Variants in GREB1L observed in about 807,000 individuals in gnomAD.
The protein encoded by GREB1L is GREB1-like protein.
In GREB1L, 17 loss-of-function variants were observed where a neutral mutation model predicts 200.8. That is an observed-to-expected ratio of 0.08 (90% confidence interval 0.06 to 0.13). The LOEUF (loss-of-function observed/expected upper bound fraction) is 0.13, where lower values mean the gene tolerates loss of function less well. Among genes scored for constraint, GREB1L ranks in the 10% least tolerant of loss-of-function variants. The probability of loss-of-function intolerance (pLI) is 1.00; values close to 1 mark genes in which losing one functional copy is unlikely to be tolerated. For missense variants in GREB1L, 1,657 were observed against 2,367.7 expected (o/e 0.70, Z 6.23); for synonymous variants, 789 against 893.0 (o/e 0.88, Z 2.08).
chr18:21,483,976 A>C (rs1403890562), intron 17 of GREB1L, among the ~76,000 whole-genome samples: 1 of 150,886 alleles, frequency 6.6e-6, no homozygotes, highest in East Asian at 2.0e-4. Context: ...ACTCCTCAAA[A>C]AAAAAGAAAA....
intron 1 of GREB1L, among the ~76,000 whole-genome samples, chr18:21,352,279 A>T (rs1228957973): frequency 1.3e-5 from 2 of 152,216 alleles, no homozygotes; most frequent in Non-Finnish European, 2.9e-5. Flanking sequence ...TTGTCACAGT[A>T]CATTTATCTA....
chr18:21,480,399 T>C (rs1410566196), intron 17 of GREB1L, among the ~76,000 whole-genome samples: 12 of 152,142 alleles, frequency 7.9e-5, no homozygotes, highest in Admixed American at 7.9e-4. Context: ...TATCTAGTGA[T>C]GTACTTCTGG....
intron 21 of GREB1L, among the ~76,000 whole-genome samples, chr18:21,497,944 C>G (rs2036617588): frequency 6.6e-6 from 1 of 151,056 alleles, no homozygotes; most frequent in Non-Finnish European, 1.5e-5. Flanking sequence ...GCCTCAGCCT[C>G]CTGAGTAGCT....
rs2038014639 is a variant in GREB1L, at chr18:21,268,531, A to ACC, written c.-120+26139_-120+26140insCC. On this transcript the variant is annotated intron_variant, in intron 1 of 32. Coordinates refer to ENST00000424526, the MANE Select transcript of GREB1L (RefSeq NM_001142966.3). Reference sequence around the variant, plus strand: ...TATATGTATATATATATACACACACACACACACACACACACACACACACAC... The same window carrying ACC: ...TATATGTATATATATATACACACACACCCACACACACACACACACACACACAC... Among the ~76,000 whole-genome samples the ACC allele has an allele frequency of 3.4e-4, 28 of 82,770 alleles. No individual in the cohort carries two copies. The South Asian group carries it at 0.011, about 32-fold the overall frequency. The allele number at this position is 82,770 out of a possible 152,430, so 54.3% of individuals were successfully genotyped here. A position where few individuals can be genotyped will look rare whatever the true frequency, so the allele number is the denominator to read the frequency against.
chr18:21,289,370 G>C (rs1330721083), intron 1 of GREB1L, among the ~76,000 whole-genome samples: 5 of 151,914 alleles, frequency 3.3e-5, no homozygotes, highest in African/African-American at 9.7e-5. Flanking sequence ...GGCAATGTAA[G>C]AGAGACCTCC....
intron 7 of GREB1L, among the ~76,000 whole-genome samples, chr18:21,417,575 C>A (rs978628849): frequency 6.6e-6 from 1 of 151,778 alleles, no homozygotes; most frequent in African/African-American, 2.4e-5. Context: ...CACTTTAAGA[C>A]GTACAAAATA....
chr18:21,301,004 T>C (rs2038608674), intron 1 of GREB1L, among the ~76,000 whole-genome samples: 1 of 152,218 alleles, frequency 6.6e-6, no homozygotes, highest in South Asian at 2.1e-4. Flanking sequence ...ATGTCTGTGA[T>C]GTTTATCTCT....
At chr18:21,260,854 C>T (rs1279155928) in intron 1 of GREB1L, among the ~76,000 whole-genome samples, 2 of 151,706 alleles carry the variant, frequency 1.3e-5, no homozygotes, top group Admixed American at 1.3e-4. Context: ...TAAAGTTGAG[C>T]TCAGAAGGTA....
At position 21,406,952 on chromosome 18, in the gene GREB1L, G is replaced by T. The variant is rs920085602; in HGVS notation, c.832+2958G>T. Among the ~76,000 whole-genome samples the T allele has an allele frequency of 2.7e-5, 4 of 145,888 alleles. No homozygotes were observed. The South Asian group carries it at 8.6e-4, about 31-fold the overall frequency. ...TGCAGTGGCACTATCTCAGCTCACT[G>T]CAATCTCCGCCTCCCAAGTTCAAGA... On this transcript the variant is annotated intron_variant, in intron 7 of 32. Coordinates refer to ENST00000424526, the MANE Select transcript of GREB1L (RefSeq NM_001142966.3).
intron 1 of GREB1L, among the ~76,000 whole-genome samples, chr18:21,353,776 T>A (rs1453492931): frequency 6.6e-6 from 1 of 152,132 alleles, no homozygotes; most frequent in Non-Finnish European, 1.5e-5. Context: ...ATTTTTAGTG[T>A]CTCATATAAG....
chr18:21,481,196 G>A (rs148691388), intron 17 of GREB1L, among the ~76,000 whole-genome samples: 70 of 152,146 alleles, frequency 4.6e-4, no homozygotes, highest in African/African-American at 1.6e-3. Context: ...AGAGAGAACA[G>A]GGGATGGCCC....
In GREB1L at chr18:21,414,067, C is replaced by T. The variant is rs116948301; in HGVS notation, c.832+10073C>T. ...TTTTGCTATAATAATCTCACTTTAG[C>T]GGGCTTAACCAAGAAAATAACCGAA... On this transcript the variant is annotated intron_variant, in intron 7 of 32. Transcript: ENST00000424526. 5.8e-4 allele frequency among the ~76,000 whole-genome samples: 89 copies of T among 152,222 alleles called. No individual in the cohort carries two copies. In the East Asian group the frequency reaches 0.015, roughly 25 times the overall value.
rs147293710 is a variant in GREB1L, at chr18:21,417,840, G to C, written c.832+13846G>C. On this transcript the variant is annotated intron_variant, in intron 7 of 32. Coordinates refer to ENST00000424526, the MANE Select transcript of GREB1L (RefSeq NM_001142966.3). ...TAAAAATATTTGAAAAATTAGCCAG[G>C]CGGGGTGGCGGGCACCTATAGTCCC... Among the ~76,000 whole-genome samples the C allele has an allele frequency of 7.7e-3, 1,168 of 151,958 alleles. 13 individuals carry two copies. Among genetic ancestry groups the C allele is most frequent in the African/African-American group, 0.026 (1,059 of 41,442 alleles).
rs775203937 is a variant in GREB1L at position 21,403,910 on chromosome 18, A to G, written c.748A>G (p.Ile250Val). The G allele has an allele frequency of 1.5e-5, 24 of 1,551,330 alleles. No individual in the cohort carries two copies. The highest frequency in any genetic ancestry group is 1.5e-4 in the East Asian group (6 of 40,914). The change falls in exon 7 of 33, where the codon ATT (isoleucine) becomes GTT (valine). Residue 250 changes from isoleucine to valine, a missense_variant. Physicochemically the swap from Ile to Val is conservative, Grantham distance 29. This residue lies in a region of GREB1L where 289 missense variants were observed against 345.1 expected (regional missense o/e 0.84). Coordinates refer to ENST00000424526, the MANE Select transcript of GREB1L (RefSeq NM_001142966.3). ...SRQSSASCHS[I>V]KPSSSVSSTV... ...ACAATCCTCTGCTTCTTGCCACTCT[A>G]TTAAGCCAAGCTCTTCAGTGTCGTC...
chr18:21,408,794 C>CAA (rs58262799), intron 7 of GREB1L, among the ~76,000 whole-genome samples: 3,558 of 73,500 alleles, frequency 0.048, 97 homozygotes, highest in Non-Finnish European at 0.071. Context: ...AATTCCATCT[C>CAA]AAAAAAAAAA....
intron 1 of GREB1L, among the ~76,000 whole-genome samples, chr18:21,334,168 A>G (rs2039149884): frequency 6.6e-6 from 1 of 152,188 alleles, no homozygotes; most frequent in African/African-American, 2.4e-5. Flanking sequence ...AGCTAATGTT[A>G]GTAAGTTTTG....
chr18:21,268,558 CACATATATATAT>C lies in GREB1L; in HGVS notation c.-120+26167_-120+26178del, dbSNP rs1160035518. Among the ~76,000 whole-genome samples, 580 of 86,626 alleles carry C rather than the reference CACATATATATAT, an allele frequency of 6.7e-3. 4 individuals carry two copies. Among genetic ancestry groups the C allele is most frequent in the African/African-American group, 0.033 (512 of 15,642 alleles). The allele number at this position is 86,626 out of a possible 152,430, so 56.8% of individuals were successfully genotyped here. A position where few individuals can be genotyped will look rare whatever the true frequency, so the allele number is the denominator to read the frequency against. On this transcript the variant is annotated intron_variant, in intron 1 of 32. Coordinates refer to ENST00000424526, the MANE Select transcript of GREB1L (RefSeq NM_001142966.3). ...ACACACACACACACACACACACACA[CACATATATATAT>C]ATATATATATATATATATATATACA...
At chr18:21,339,090 G>A (rs1430878916) in intron 1 of GREB1L, among the ~76,000 whole-genome samples, 1 of 152,112 alleles carries the variant, frequency 6.6e-6, no homozygotes, top group African/African-American at 2.4e-5. Flanking sequence ...AGGAGGCTGA[G>A]GCAGGAGAAT....
intron 4 of GREB1L, among the ~76,000 whole-genome samples, chr18:21,394,116 G>A (rs2040943045): frequency 6.6e-6 from 1 of 152,208 alleles, no homozygotes; most frequent in Admixed American, 6.5e-5. Flanking sequence ...TAAGCAGTCT[G>A]AGCCATGCTC....
Sources: allele counts gnomAD v4.1 joint callset (sites outside exome capture counted in the v4.1 genomes callset), GRCh38; gene constraint gnomAD v4.1.1; regional missense constraint gnomAD v4.1.1; transcripts MANE v1.5; gene names NCBI Gene and HGNC (gene_info 2026-07-23, HGNC 2026-07-21).